Variants in DCDC2 observed in about 807,000 individuals in gnomAD.
The protein encoded by DCDC2 is doublecortin domain containing 2.
Under a neutral mutation model 50.2 loss-of-function variants are expected in DCDC2, and 40 were observed. That is an observed-to-expected ratio of 0.80 (90% CI 0.62 to 1.04). The LOEUF (loss-of-function observed/expected upper bound fraction) is 1.04. Ranked by LOEUF, DCDC2 falls within the 50% of genes least tolerant of loss-of-function variation. DCDC2 has a pLI of 0.00. For missense variants in DCDC2, 570 were observed against 581.9 expected, an observed-to-expected ratio of 0.98 and a Z score of 0.21; for synonymous variants, 234 against 210.6, an observed-to-expected ratio of 1.11 and a Z score of -0.96.
At chr6:24,370,521 A>G in the DCDC2 span, among the ~76,000 whole-genome samples, 1 of 152,164 alleles carries the variant, frequency 6.6e-6, no homozygotes, top group Non-Finnish European at 1.5e-5. Context: ...CAGCCTGGCC[A>G]ACATTGTGAA....
chr6:24,243,380 C>T (rs1300841296), intron 7 of DCDC2, among the ~76,000 whole-genome samples: 1 of 152,186 alleles, frequency 6.6e-6, no homozygotes, highest in Non-Finnish European at 1.5e-5. Context: ...AATCCAGGCT[C>T]TGCCACCTGC....
intron 7 of DCDC2, among the ~76,000 whole-genome samples, chr6:24,259,063 TC>T (rs1276252947): frequency 6.6e-6 from 1 of 151,728 alleles, no homozygotes; most frequent in Non-Finnish European, 1.5e-5. Flanking sequence ...CCTCTCCTCT[TC>T]CCCCTTTCCA....
At chr6:24,185,177 C>T (rs73391951) in intron 8 of DCDC2, among the ~76,000 whole-genome samples, 2,154 of 152,214 alleles carry the variant, frequency 0.014, 48 homozygotes, top group African/African-American at 0.049. Context: ...TTAATGCAAA[C>T]GGCTGGTATA....
intron 4 of DCDC2, among the ~76,000 whole-genome samples, chr6:24,298,294 G>A (rs1759301953): frequency 6.6e-6 from 1 of 152,228 alleles, no homozygotes; most frequent in African/African-American, 2.4e-5. Flanking sequence ...TTCCTAACAG[G>A]CCACGGAATG....
chr6:24,254,528 C>T (rs1762854607), intron 7 of DCDC2, among the ~76,000 whole-genome samples: 2 of 152,134 alleles, frequency 1.3e-5, no homozygotes, highest in Non-Finnish European at 2.9e-5. Flanking sequence ...TATTGGGCCA[C>T]TGTCATATAT....
chr6:24,189,754 A>G (rs903712012), intron 8 of DCDC2, among the ~76,000 whole-genome samples: 1 of 152,154 alleles, frequency 6.6e-6, no homozygotes, highest in Non-Finnish European at 1.5e-5. Context: ...GAAACTGGAG[A>G]TCAATAAAAA....
intron 7 of DCDC2, among the ~76,000 whole-genome samples, chr6:24,260,418 G>T (rs1255188166): frequency 6.6e-6 from 1 of 152,098 alleles, no homozygotes; most frequent in Non-Finnish European, 1.5e-5. Flanking sequence ...TGTTTTCTCA[G>T]TCATAATGTT....
intron 2 of DCDC2, among the ~76,000 whole-genome samples, chr6:24,342,800 G>A (rs1760183831): frequency 6.6e-6 from 1 of 152,040 alleles, no homozygotes; most frequent in African/African-American, 2.4e-5. Flanking sequence ...GATGTAGAGG[G>A]CTGATTACCA....
At chr6:24,254,097 C>T (rs1316720287) in intron 7 of DCDC2, among the ~76,000 whole-genome samples, 1 of 151,708 alleles carries the variant, frequency 6.6e-6, no homozygotes, top group Non-Finnish European at 1.5e-5. Context: ...CACACATTAG[C>T]CGAGGCCTAC....
chr6:24,310,672 C>G (rs139754767), intron 2 of DCDC2, among the ~76,000 whole-genome samples: 1 of 152,286 alleles, frequency 6.6e-6, no homozygotes, highest in East Asian at 1.9e-4. Flanking sequence ...AATCTGTATA[C>G]CCAGCTGGAT....
At chr6:24,379,265 C>G in the DCDC2 span, among the ~76,000 whole-genome samples, 379 of 151,920 alleles carry the variant, frequency 2.5e-3, 3 homozygotes, top group African/African-American at 8.8e-3. Context: ...CTACAGAATG[C>G]GAGAAAATTT....
chr6:24,360,969 A>G (rs962570663), upstream of DCDC2, among the ~76,000 whole-genome samples: 2 of 152,184 alleles, frequency 1.3e-5, no homozygotes, highest in Admixed American at 1.3e-4. Context: ...AACGAAAGAG[A>G]GAGAGAGAGT....
chr6:24,201,504 T>C (rs1469665556), intron 8 of DCDC2, among the ~76,000 whole-genome samples: 1 of 151,968 alleles, frequency 6.6e-6, no homozygotes, highest in African/African-American at 2.4e-5. Flanking sequence ...GCTAAAGCAG[T>C]GTTTAGAGGG....
intron 2 of DCDC2, among the ~76,000 whole-genome samples, chr6:24,329,514 T>C (rs1281048102): frequency 6.6e-6 from 1 of 152,172 alleles, no homozygotes; most frequent in Admixed American, 6.6e-5. Context: ...TAAGAAAGAA[T>C]GGTAATAACT....
intron 1 of DCDC2, among the ~76,000 whole-genome samples, chr6:24,354,005 A>C (rs963336659): frequency 6.6e-6 from 1 of 152,206 alleles, no homozygotes; most frequent in Non-Finnish European, 1.5e-5. Context: ...AGGTCAAAGG[A>C]AGTACTGATA....
At position 24,328,349 on chromosome 6, in the gene DCDC2, T is replaced by C. The variant is rs542941930; in HGVS notation, c.348+25220A>G. Among the ~76,000 whole-genome samples the C allele has an allele frequency of 5.4e-4, 82 of 152,344 alleles. No homozygotes were observed. The South Asian group carries it at 0.015, about 28-fold the overall frequency. On this transcript the variant is annotated intron_variant, in intron 2 of 9. Coordinates refer to ENST00000378454, the MANE Select transcript of DCDC2 (RefSeq NM_016356.5). ...TTTCTGTAAAGTACTCTATAAGGAA[T>C]ATCAAACTGGCTGTACTTTGGACAT...
At chr6:24,188,515 C>A (rs532661392) in intron 8 of DCDC2, among the ~76,000 whole-genome samples, 4 of 152,250 alleles carry the variant, frequency 2.6e-5, no homozygotes, top group South Asian at 2.1e-4. Context: ...CCCATCACTG[C>A]AAAAGCAATA....
intron 9 of DCDC2, among the ~76,000 whole-genome samples, chr6:24,175,641 T>C (rs910149850): frequency 4.6e-5 from 7 of 152,212 alleles, no homozygotes; most frequent in African/African-American, 1.7e-4. Context: ...AAATGGTATC[T>C]TGAATATAGT....
At chr6:24,198,818 T>G (rs1761508131) in intron 8 of DCDC2, among the ~76,000 whole-genome samples, 1 of 151,960 alleles carries the variant, frequency 6.6e-6, no homozygotes, top group African/African-American at 2.4e-5. Flanking sequence ...TCAAGCTTGG[T>G]GGGGGGAGGG....
Sources: gnomAD v4.1 joint callset for allele counts (sites outside exome capture counted in the v4.1 genomes callset) on GRCh38, gnomAD v4.1.1 for gene constraint, MANE v1.5 for transcripts, NCBI Gene and HGNC (gene_info 2026-07-23, HGNC 2026-07-21) for gene names.